SYNE1: variants seen among roughly 807,000 people sequenced by gnomAD.
The protein encoded by SYNE1 is nesprin-1.
A neutral mutation model predicts 1,111.0 loss-of-function variants in SYNE1; 616 were observed. The ratio of observed to expected loss-of-function variants is 0.55; its 90% CI spans 0.52 to 0.59. The LOEUF (loss-of-function observed/expected upper bound fraction) is 0.59. Ranked by LOEUF, SYNE1 falls within the 20% of genes least tolerant of loss-of-function variation. SYNE1 has a pLI of 0.00. For missense variants in SYNE1, 10,006 were observed against 10,417.0 expected, an observed-to-expected ratio of 0.96 and a Z score of 1.72; for synonymous variants, 3,855 against 3,825.8, an observed-to-expected ratio of 1.01 and a Z score of -0.28.
At chr6:152,405,250 G>A (rs1281063283) in intron 45 of SYNE1, among the ~76,000 whole-genome samples, 2 of 152,196 alleles carry the variant, frequency 1.3e-5, no homozygotes, top group African/African-American at 4.8e-5. Context: ...ACTGAACCTG[G>A]TCATATCTAA....
At chr6:152,233,691 AT>A in intron 112 of SYNE1, 89 bp downstream of exon 112, 1 of 1,497,050 alleles carries the variant, frequency 6.7e-7, no homozygotes, top group Non-Finnish European at 9.2e-7. Context: ...CAAAGCTGAT[AT>A]AAATTTGTGA....
At chr6:152,239,887 G>A (rs1352620590) in intron 107 of SYNE1, among the ~76,000 whole-genome samples, 181 bp from the exon 108 acceptor site, 1 of 152,078 alleles carries the variant, frequency 6.6e-6, no homozygotes, top group South Asian at 2.1e-4. Context: ...GGTGGAATCC[G>A]TTTCTACTAA....
intron 74 of SYNE1, among the ~76,000 whole-genome samples, chr6:152,343,156 CT>C (rs11297257): frequency 0.82 from 109,963 of 133,864 alleles, 44,868 homozygotes; most frequent in African/African-American, 0.88. Context: ...GTTTTCTTTT[CT>C]TTTTTTTTTT....
chr6:152,200,251 A>G (rs1438155306), intron 127 of SYNE1, among the ~76,000 whole-genome samples: 1 of 152,166 alleles, frequency 6.6e-6, no homozygotes, highest in Non-Finnish European at 1.5e-5. Flanking sequence ...AAAGTTATTA[A>G]ATTTCCAGAG....
At chr6:152,377,637 AAAAATATATATATATAT>A (rs2097315213) in intron 56 of SYNE1, among the ~76,000 whole-genome samples, 1 of 78,300 alleles carries the variant, frequency 1.3e-5, no homozygotes, top group African/African-American at 6.8e-5. Flanking sequence ...AAAAAAAAAA[AAAAATATATATATATAT>A]ATATATATAT....
intron 40 of SYNE1, among the ~76,000 whole-genome samples, chr6:152,417,622 C>A (rs190855078): frequency 6.6e-6 from 1 of 152,100 alleles, no homozygotes; most frequent in Admixed American, 6.6e-5. Flanking sequence ...TTGGAAGATT[C>A]TTAAAGATGC....
intron 87 of SYNE1, among the ~76,000 whole-genome samples, chr6:152,312,355 A>T (rs922295593): frequency 2.7e-5 from 4 of 150,712 alleles, no homozygotes; most frequent in Non-Finnish European, 4.4e-5. Flanking sequence ...GATTACAGGC[A>T]TGAGCCGCCA....
intron 75 of SYNE1, among the ~76,000 whole-genome samples, chr6:152,337,764 A>G (rs2096435514): frequency 6.6e-6 from 1 of 152,210 alleles, no homozygotes; most frequent in African/African-American, 2.4e-5. Context: ...AACATGCTGA[A>G]TTATTAATGT....
chr6:152,244,619 T>C lies in SYNE1; in HGVS notation c.19610A>G (p.Asp6537Gly), dbSNP rs1212019972. 6.2e-7 allele frequency: 1 copy of C among 1,614,040 alleles called. No individual in the cohort carries two copies. Residue 6537 changes from aspartate (D) to glycine (G), a missense_variant, in exon 106 of 146, where the codon GAT becomes GGT. Asp to Gly is a moderately conservative substitution (Grantham distance 94, BLOSUM62 -1). Coordinates refer to ENST00000367255, the MANE Select transcript of SYNE1 (RefSeq NM_182961.4). ...QQAEDGLKEFDAGIIELKRRG... is the reference protein window; with the variant it reads ...QQAEDGLKEFGAGIIELKRRG... Reference sequence around the variant, plus strand: ...CCTCTTTAATTCAATGATTCCTGCATCAAATTCTTTGAGTCCATCTTCAGC... The same window carrying C: ...CCTCTTTAATTCAATGATTCCTGCACCAAATTCTTTGAGTCCATCTTCAGC...
intron 95 of SYNE1, among the ~76,000 whole-genome samples, chr6:152,291,629 C>T (rs1196133302): frequency 4.6e-5 from 7 of 152,066 alleles, no homozygotes; most frequent in Non-Finnish European, 5.9e-5. Context: ...TTTTCATGTA[C>T]GAACTCTGGA....
intron 55 of SYNE1, among the ~76,000 whole-genome samples, chr6:152,384,948 T>G (rs1421287285): frequency 6.6e-6 from 1 of 151,868 alleles, no homozygotes; most frequent in Non-Finnish European, 1.5e-5. Context: ...TTTTTATGAC[T>G]TTTATGTTCT....
intron 3 of SYNE1, among the ~76,000 whole-genome samples, chr6:152,556,585 T>C (rs1187399222): frequency 6.6e-6 from 1 of 152,120 alleles, no homozygotes; most frequent in Non-Finnish European, 1.5e-5. Context: ...TAGGCCATCC[T>C]CCACAGACCC....
chr6:152,203,448 A>G (rs534541386), intron 126 of SYNE1, among the ~76,000 whole-genome samples: 5 of 152,120 alleles, frequency 3.3e-5, no homozygotes, highest in Admixed American at 1.3e-4. Context: ...CTCCCCACTC[A>G]TCTCCCCAGT....
chr6:152,266,133 TGG>T (rs2092676703), intron 100 of SYNE1, among the ~76,000 whole-genome samples: 3 of 152,188 alleles, frequency 2.0e-5, no homozygotes, highest in Non-Finnish European at 2.9e-5. Context: ...GTCTTTAAAG[TGG>T]ATCTTATATA....
In SYNE1 at chr6:152,331,477, G is replaced by A. The variant is rs139490297; in HGVS notation, c.13208C>T (p.Ser4403Leu). ...GACCCTGTCTGCGTCCTTTATAAGC[G>A]ATTTCAGGAGCATCTGCTTGGCCTC... ...ELEAKQMLLK[S>L]LIKDADRVMA... Residue 4403 changes from serine (S) to leucine (L), a missense_variant, in exon 78 of 146, where the codon TCG becomes TTG. Ser to Leu is a moderately radical substitution (Grantham distance 145, BLOSUM62 -2). This residue lies in a region of SYNE1 where 4,955 missense variants were observed against 5,017.2 expected (regional missense o/e 0.99). Transcript: ENST00000367255. The A allele has an allele frequency of 2.8e-5, 46 of 1,614,040 alleles. No individual in the cohort carries two copies. The highest frequency in any genetic ancestry group is 1.7e-4 in the African/African-American group (13 of 74,998).
At chr6:152,303,235 C>T (rs2095263220) in intron 91 of SYNE1, among the ~76,000 whole-genome samples, 1 of 150,508 alleles carries the variant, frequency 6.6e-6, no homozygotes, top group Non-Finnish European at 1.5e-5. Flanking sequence ...GAGGGGATCA[C>T]TTGAGATCAG....
intron 115 of SYNE1, among the ~76,000 whole-genome samples, chr6:152,228,880 T>A (rs651306): frequency 1.3e-5 from 2 of 151,794 alleles, no homozygotes; most frequent in Non-Finnish European, 2.9e-5. Context: ...ATGTTCTTCA[T>A]CTTCAGTCTT....
At chr6:152,179,908 C>T (rs1445152976) in intron 129 of SYNE1, among the ~76,000 whole-genome samples, 1 of 151,808 alleles carries the variant, frequency 6.6e-6, no homozygotes, top group African/African-American at 2.4e-5. Context: ...TGGTCTTGAT[C>T]TCCTGACCTC....
At chr6:152,455,716 TA>T in intron 23 of SYNE1, 126 bp from the exon 24 acceptor site, 1 of 1,418,032 alleles carries the variant, frequency 7.1e-7, no homozygotes, top group East Asian at 2.4e-5. Context: ...TGGGAATAAT[TA>T]ACTCTTTTCA....
Sources: gnomAD v4.1 joint callset for allele counts (sites outside exome capture counted in the v4.1 genomes callset) on GRCh38, gnomAD v4.1.1 for gene constraint, gnomAD v4.1.1 regional missense constraint, MANE v1.5 for transcripts, NCBI Gene and HGNC (gene_info 2026-07-23, HGNC 2026-07-21) for gene names.